Variants in DLC1 observed in about 807,000 individuals in gnomAD.
The protein encoded by DLC1 is DLC1 Rho GTPase activating protein, also known as rho GTPase-activating protein 7.
In DLC1, 54 loss-of-function variants were observed where a neutral mutation model predicts 140.3. The ratio of observed to expected loss-of-function variants is 0.38; its 90% confidence interval spans 0.31 to 0.48. The LOEUF (loss-of-function observed/expected upper bound fraction) is 0.48. Ranked by LOEUF, DLC1 falls within the 20% of genes least tolerant of loss-of-function variation. DLC1 has a pLI of 0.96. For missense variants in DLC1, 2,536 were observed against 1,907.0 expected (o/e 1.33, Z -6.14); for synonymous variants, 986 against 728.1 (o/e 1.35, Z -5.70).
Position 13,171,312 on chromosome 8 carries a change from T to C in DLC1, c.1349-55655A>G, listed in dbSNP as rs1825462135. ...TGTTCTTATTCTCAACTCATATGATTAAAAAAAATTCTAATAGACACAGAG... is the reference window on the plus strand; with the variant it reads ...TGTTCTTATTCTCAACTCATATGATCAAAAAAAATTCTAATAGACACAGAG... On this transcript the variant is annotated intron_variant, in intron 5 of 17. Coordinates refer to ENST00000276297, the MANE Select transcript of DLC1 (RefSeq NM_182643.3). Among the ~76,000 whole-genome samples, 3 of 152,064 alleles carry C rather than the reference T, an allele frequency of 2.0e-5. No individual in the cohort carries two copies. The South Asian group carries it at 6.2e-4, about 32-fold the overall frequency.
chr8:13,601,101 C>T (rs1191333202), intron 1 of DLC1, among the ~76,000 whole-genome samples: 2 of 151,768 alleles, frequency 1.3e-5, no homozygotes, highest in East Asian at 1.9e-4. Flanking sequence ...GACACACCTT[C>T]GTCCCCATTA....
At chr8:13,422,535 C>T (rs138443754) in intron 2 of DLC1, among the ~76,000 whole-genome samples, 1 of 151,958 alleles carries the variant, frequency 6.6e-6, no homozygotes, top group Non-Finnish European at 1.5e-5. Context: ...GAAAACTCTG[C>T]ACGTTTACTG....
At chr8:13,216,806 G>C (rs1026340170) in intron 5 of DLC1, among the ~76,000 whole-genome samples, 3 of 152,234 alleles carry the variant, frequency 2.0e-5, no homozygotes, top group African/African-American at 7.2e-5. Context: ...ACCCCCAGCT[G>C]TGATAATCAA....
At chr8:13,281,876 G>A (rs951176987) in intron 5 of DLC1, among the ~76,000 whole-genome samples, 2 of 152,162 alleles carry the variant, frequency 1.3e-5, no homozygotes, top group Non-Finnish European at 2.9e-5. Flanking sequence ...ATCTCTACCT[G>A]AGCTACAAAA....
chr8:13,491,008 T>C (rs1339581002), intron 2 of DLC1, among the ~76,000 whole-genome samples: 2 of 147,542 alleles, frequency 1.4e-5, no homozygotes, highest in African/African-American at 4.9e-5. Flanking sequence ...CACATATATA[T>C]ATAAATTCAG....
chr8:13,420,962 C>T (rs142359091), intron 2 of DLC1, among the ~76,000 whole-genome samples: 40 of 152,212 alleles, frequency 2.6e-4, no homozygotes, highest in Admixed American at 9.8e-4. Flanking sequence ...AGCTCTTGGA[C>T]GCTTTCTCTA....
chr8:13,391,249 T>C (rs1157722779), intron 4 of DLC1, among the ~76,000 whole-genome samples: 2 of 152,160 alleles, frequency 1.3e-5, no homozygotes, highest in African/African-American at 2.4e-5. Context: ...AGAGGAATAC[T>C]GTTGTGAAGG....
At chr8:13,477,865 A>G (rs1409641676) in intron 2 of DLC1, among the ~76,000 whole-genome samples, 1 of 151,942 alleles carries the variant, frequency 6.6e-6, no homozygotes, top group Non-Finnish European at 1.5e-5. Flanking sequence ...GAAAAAAAAA[A>G]TCAATAGTAG....
intron 5 of DLC1, chr8:13,116,164 T>G (rs1481548349): frequency 2.0e-6 from 2 of 986,266 alleles, no homozygotes; most frequent in Non-Finnish European, 2.4e-6. Flanking sequence ...GTTTCACTGT[T>G]GCGTGATCAG....
At chr8:13,331,660 A>G (rs1385649475) in intron 4 of DLC1, among the ~76,000 whole-genome samples, 4 of 152,028 alleles carry the variant, frequency 2.6e-5, no homozygotes, top group Non-Finnish European at 4.4e-5. Flanking sequence ...ACCCCCAACT[A>G]ACCCAAAACC....
chr8:13,370,631 C>A (rs150667677), intron 4 of DLC1, among the ~76,000 whole-genome samples: 2 of 152,344 alleles, frequency 1.3e-5, no homozygotes, highest in African/African-American at 4.8e-5. Flanking sequence ...GTAGGGCTGG[C>A]TTCAGGTGTG....
rs368297281 is a variant in DLC1, at chr8:13,387,108, A to G, written c.1314+6445T>C. On this transcript the variant is annotated intron_variant, in intron 4 of 17. Transcript: ENST00000276297. ...TAAACTTCCCTTAAAAATTCCATGT[A>G]TATCGTTTTTTCCTTTAGTATGTTG... Among the ~76,000 whole-genome samples, 39 of 152,164 alleles carry G rather than the reference A, an allele frequency of 2.6e-4. No individual in the cohort carries two copies. The East Asian group carries it at 3.7e-3, about 14-fold the overall frequency.
intron 2 of DLC1, among the ~76,000 whole-genome samples, chr8:13,465,151 C>T (rs1055710240): frequency 3.3e-5 from 5 of 152,048 alleles, no homozygotes; most frequent in African/African-American, 7.2e-5. Flanking sequence ...TTCTGTTGTC[C>T]GTGGTCTTTT....
Position 13,242,513 on chromosome 8 carries a change from A to C in DLC1, c.1348+62756T>G, listed in dbSNP as rs118178562. On this transcript the variant is annotated intron_variant, in intron 5 of 17. Transcript: ENST00000276297. ...CGGGCTCAATGGATCCTCCCGCCTC[A>C]GTTTCCCAAGTAGTTGGGACTACAA... 1.2e-3 allele frequency among the ~76,000 whole-genome samples: 185 copies of C among 151,874 alleles called. 3 individuals are homozygous for C. In the East Asian group the frequency reaches 0.025, roughly 20 times the overall value.
At chr8:13,119,614 C>A (rs748869277) in intron 5 of DLC1, among the ~76,000 whole-genome samples, 2 of 152,084 alleles carry the variant, frequency 1.3e-5, no homozygotes, top group Admixed American at 6.6e-5. Flanking sequence ...CTGAGATAAA[C>A]ACATGAGGAA....
intron 5 of DLC1, chr8:13,133,077 G>C: frequency 6.5e-7 from 1 of 1,535,404 alleles, no homozygotes; most frequent in Non-Finnish European, 8.8e-7. Flanking sequence ...CACCCGAGAC[G>C]CGCGCCCTCG....
chr8:13,141,800 C>G (rs1269742457), intron 5 of DLC1, among the ~76,000 whole-genome samples: 2 of 152,158 alleles, frequency 1.3e-5, no homozygotes, highest in Non-Finnish European at 2.9e-5. Flanking sequence ...GTAACTAACT[C>G]AATTATCTCT....
intron 2 of DLC1, among the ~76,000 whole-genome samples, chr8:13,414,892 C>A (rs546965022): frequency 6.6e-6 from 1 of 151,914 alleles, no homozygotes; most frequent in African/African-American, 2.4e-5. Context: ...CCCACTGCAA[C>A]CTCCACCTCC....
At chr8:13,280,289 A>C (rs1017509135) in intron 5 of DLC1, among the ~76,000 whole-genome samples, 14 of 35,644 alleles carry the variant, frequency 3.9e-4, no homozygotes, top group East Asian at 3.4e-3. Flanking sequence ...CTCCATCTCA[A>C]AAAAAAAAAA....
Sources: gnomAD v4.1 joint callset for allele counts (sites outside exome capture counted in the v4.1 genomes callset) on GRCh38, gnomAD v4.1.1 for gene constraint, MANE v1.5 for transcripts, NCBI Gene and HGNC (gene_info 2026-07-23, HGNC 2026-07-21) for gene names.